Variants in FZD3 observed in about 807,000 individuals in gnomAD.
FZD3 encodes frizzled class receptor 3, also known as frizzled-3.
Under a neutral mutation model 60.7 loss-of-function variants are expected in FZD3, and 30 were observed. That is an observed-to-expected ratio of 0.49 (90% CI 0.37 to 0.67). The LOEUF (loss-of-function observed/expected upper bound fraction) is 0.67, where lower values mean the gene tolerates loss of function less well. Among genes scored for constraint, FZD3 ranks in the 30% least tolerant of loss-of-function variants. The probability of loss-of-function intolerance (pLI) is 0.00; values close to 1 mark genes in which losing one functional copy is unlikely to be tolerated. For synonymous variants in FZD3, 246 were observed against 275.2 expected (o/e 0.89, Z 1.05); for missense variants, 605 against 838.7 (o/e 0.72, Z 3.44).
At chr8:28,518,074 G>A (rs1804479453) in intron 3 of FZD3, among the ~76,000 whole-genome samples, 2 of 152,010 alleles carry the variant, frequency 1.3e-5, no homozygotes, top group South Asian at 4.1e-4. Context: ...GTCTCACTCT[G>A]TCTCCCAGGC....
chr8:28,560,537 A>G (rs1805594773), intron 7 of FZD3, among the ~76,000 whole-genome samples: 1 of 152,152 alleles, frequency 6.6e-6, no homozygotes, highest in Non-Finnish European at 1.5e-5. Flanking sequence ...AAATTTTTCT[A>G]TGAAAAATAT....
intron 1 of FZD3, 111 bp from the exon 2 acceptor site, chr8:28,499,822 C>G (rs1803943572): frequency 6.6e-6 from 1 of 151,952 alleles, no homozygotes; most frequent in African/African-American, 2.4e-5. Context: ...ATGTCCTTTG[C>G]TTATTTTTCT....
intron 5 of FZD3, among the ~76,000 whole-genome samples, chr8:28,541,512 A>G (rs564134953): frequency 7.2e-5 from 11 of 152,350 alleles, no homozygotes; most frequent in South Asian, 4.1e-4. Context: ...TACACAGACA[A>G]TGCAGTTTAA....
chr8:28,566,140 C>T lies in FZD3; in HGVS notation c.*3129C>T, dbSNP rs1380332603. On this transcript the variant is annotated 3_prime_UTR_variant, in exon 8 of 8. Transcript: ENST00000240093. ...TTCATGTCACACAACTTGCTTTTACCCTAGTACTGAGTCTCACATCAAAGA... is the reference window on the plus strand; with the variant it reads ...TTCATGTCACACAACTTGCTTTTACTCTAGTACTGAGTCTCACATCAAAGA... 6.6e-6 allele frequency: 1 copy of T among 151,994 alleles called. No individual in the cohort carries two copies. Among genetic ancestry groups the T allele is most frequent in the African/African-American group, 2.4e-5 (1 of 41,388 alleles). 9.4% of individuals were successfully genotyped at this position (151,994 alleles called of 1,614,324 possible). A position where few individuals can be genotyped will look rare whatever the true frequency, so the allele number is the denominator to read the frequency against.
rs779194613 is a variant in FZD3 at position 28,566,991 on chromosome 8, T to A, written c.*3980T>A. 1.3e-5 allele frequency: 2 copies of A among 152,082 alleles called. No individual in the cohort carries two copies. The highest frequency in any genetic ancestry group is 2.1e-4 in the South Asian group (1 of 4,832). The allele number at this position is 152,082 out of a possible 1,614,324, so 9.4% of individuals were successfully genotyped here. On this transcript the variant is annotated 3_prime_UTR_variant, in exon 8 of 8. Coordinates refer to ENST00000240093, the MANE Select transcript of FZD3 (RefSeq NM_017412.4). The stretch of plus-strand genomic sequence containing the variant: ...CCATAAATTATTCTACTTAAAAAAA[T>A]TTTTTATAGAGACAGGGTCTTGCTC...
intron 5 of FZD3, among the ~76,000 whole-genome samples, chr8:28,542,112 A>G (rs1313630570): frequency 1.9e-5 from 1 of 52,218 alleles, no homozygotes; most frequent in Non-Finnish European, 4.8e-5. Context: ...TTTTTTTTTA[A>G]CTACTCCCTG....
Position 28,569,665 on chromosome 8 carries a change from AT to A in FZD3, c.*6658del, listed in dbSNP as rs1275799980. ...TTTATCAACTGTTTTTCCATTAGTGATTTTAAGTAATTTTAAAGAAGGAAAA... is the reference window on the plus strand; with the variant it reads ...TTTATCAACTGTTTTTCCATTAGTGATTTAAGTAATTTTAAAGAAGGAAAA... On this transcript the variant is annotated 3_prime_UTR_variant, in exon 8 of 8. Transcript: ENST00000240093. The A allele has an allele frequency of 6.6e-6, 1 of 152,156 alleles. No homozygotes were observed. Among genetic ancestry groups the A allele is most frequent in the East Asian group, 1.9e-4 (1 of 5,204 alleles). The allele number at this position is 152,156 out of a possible 1,614,324, so 9.4% of individuals were successfully genotyped here.
At chr8:28,550,766 ACATGCATGAACCAC>A (rs66793690) in intron 5 of FZD3, among the ~76,000 whole-genome samples, 80,607 of 151,772 alleles carry the variant, frequency 0.53, 21,928 homozygotes, top group South Asian at 0.63. Context: ...TGCTGGGATT[ACATGCATGAACCAC>A]CACGCCTGGC....
At chr8:28,515,807 T>C (rs1310062461) in intron 3 of FZD3, among the ~76,000 whole-genome samples, 1 of 152,232 alleles carries the variant, frequency 6.6e-6, no homozygotes, top group Non-Finnish European at 1.5e-5. Context: ...CCAATTATTA[T>C]TTTAGAGAGG....
At position 28,572,598 on chromosome 8, in the gene FZD3, G is replaced by A. The variant is rs1805826426; in HGVS notation, c.*9587G>A. On this transcript the variant is annotated 3_prime_UTR_variant, in exon 8 of 8. Coordinates refer to ENST00000240093, the MANE Select transcript of FZD3 (RefSeq NM_017412.4). The stretch of plus-strand genomic sequence containing the variant: ...TGAGATATTGTTATGTATTAGGTTT[G>A]TGCAAACCTAATATAAAAGGGTTCA... The A allele has an allele frequency of 6.6e-6, 1 of 152,122 alleles. No individual in the cohort carries two copies. The highest frequency in any genetic ancestry group is 6.5e-5 in the Admixed American group (1 of 15,270). 9.4% of individuals were successfully genotyped at this position (152,122 alleles called of 1,614,324 possible).
At chr8:28,535,201 C>A (rs1035487657) in intron 5 of FZD3, among the ~76,000 whole-genome samples, 43 of 151,892 alleles carry the variant, frequency 2.8e-4, no homozygotes, top group African/African-American at 8.7e-4. Flanking sequence ...TGAGTGTTCT[C>A]GCTGAAAACA....
In FZD3 at chr8:28,503,018, C is replaced by T; in HGVS notation, c.5C>T (p.Ala2Val). 1 of 1,610,864 alleles carries T rather than the reference C, an allele frequency of 6.2e-7. No individual in the cohort carries two copies. Among genetic ancestry groups the T allele is most frequent in the Non-Finnish European group, 8.5e-7 (1 of 1,177,556 alleles). Residue 2 changes from alanine to valine, a missense_variant, in exon 3 of 8, where the codon GCT (alanine) becomes GTT (valine). By Grantham distance (64) the Ala-to-Val change is moderately conservative. Transcript: ENST00000240093. ...TCTCCTTCAGACCCAGGAAGGATGGCTATGACTTGGATTGTCTTCTCTCTT... is the reference window on the plus strand; with the variant it reads ...TCTCCTTCAGACCCAGGAAGGATGGTTATGACTTGGATTGTCTTCTCTCTT... Reference protein sequence around the residue: MAMTWIVFSLWP... With the variant: MVMTWIVFSLWP...
At chr8:28,537,890 G>A (rs1469085151) in intron 5 of FZD3, among the ~76,000 whole-genome samples, 4 of 152,076 alleles carry the variant, frequency 2.6e-5, no homozygotes, top group Non-Finnish European at 4.4e-5. Context: ...GCCGAGGTCG[G>A]CAGATCACCT....
chr8:28,513,936 G>C (rs568419024), intron 3 of FZD3, among the ~76,000 whole-genome samples: 3 of 152,152 alleles, frequency 2.0e-5, no homozygotes, highest in Non-Finnish European at 4.4e-5. Context: ...TTGTCAGCTA[G>C]CAGGTTCCTA....
chr8:28,511,459 A>G (rs770264938), intron 3 of FZD3, among the ~76,000 whole-genome samples: 16 of 152,140 alleles, frequency 1.1e-4, no homozygotes, highest in Non-Finnish European at 2.1e-4. Context: ...TACTCCATCC[A>G]GTCTGGGTAA....
At chr8:28,536,186 A>AT (rs1162251067) in intron 5 of FZD3, among the ~76,000 whole-genome samples, 1 of 152,114 alleles carries the variant, frequency 6.6e-6, no homozygotes, top group Non-Finnish European at 1.5e-5. Context: ...TACTAGAGTC[A>AT]TTTTTTTCTT....
At chr8:28,507,247 C>T (rs1407484369) in intron 3 of FZD3, among the ~76,000 whole-genome samples, 1 of 152,038 alleles carries the variant, frequency 6.6e-6, no homozygotes, top group Non-Finnish European at 1.5e-5. Context: ...GTTTTCCTTT[C>T]CTGTTCCCCT....
intron 3 of FZD3, among the ~76,000 whole-genome samples, chr8:28,514,686 A>T (rs1804378679): frequency 6.6e-6 from 1 of 152,118 alleles, no homozygotes; most frequent in South Asian, 2.1e-4. Context: ...AATGATTTTG[A>T]GATTCATCTG....
chr8:28,533,769 C>T (rs368780743), intron 5 of FZD3, among the ~76,000 whole-genome samples: 3 of 152,062 alleles, frequency 2.0e-5, no homozygotes, highest in Non-Finnish European at 2.9e-5. Flanking sequence ...TTCCCTCCAA[C>T]GTGTATTTTT....
Sources: allele counts gnomAD v4.1 joint callset (sites outside exome capture counted in the v4.1 genomes callset), GRCh38; gene constraint gnomAD v4.1.1; transcripts MANE v1.5; gene names NCBI Gene and HGNC (gene_info 2026-07-23, HGNC 2026-07-21).